The following GRIK2 variants were observed in gnomAD, a reference collection of about 807,000 sequenced individuals.
The protein encoded by GRIK2 is glutamate ionotropic receptor kainate type subunit 2.
A neutral mutation model predicts 100.3 loss-of-function variants in GRIK2; 32 were observed. That is an observed-to-expected ratio of 0.32 (90% CI 0.24 to 0.43). GRIK2 has a LOEUF of 0.43. Among genes scored for constraint, GRIK2 ranks in the 20% least tolerant of loss-of-function variants. The pLI, the probability that GRIK2 is intolerant of heterozygous loss-of-function variation, is 1.00. For synonymous variants in GRIK2, 417 were observed against 389.4 expected, an observed-to-expected ratio of 1.07 and a Z score of -0.83; for missense variants, 843 against 1,114.9, an observed-to-expected ratio of 0.76 and a Z score of 3.47.
At chr6:101,560,239 C>T (rs965144519) in intron 2 of GRIK2, among the ~76,000 whole-genome samples, 1 of 151,984 alleles carries the variant, frequency 6.6e-6, no homozygotes, top group Non-Finnish European at 1.5e-5. Context: ...GTTTATTTTC[C>T]TTTACTAGTC....
chr6:101,782,255 A>G (rs1562380848), intron 7 of GRIK2, among the ~76,000 whole-genome samples: 1 of 152,108 alleles, frequency 6.6e-6, no homozygotes, highest in Non-Finnish European at 1.5e-5. Flanking sequence ...ATTGTTGTTA[A>G]CTCTAGTTAC....
chr6:101,989,436 C>T (rs925005308), intron 14 of GRIK2, among the ~76,000 whole-genome samples: 4 of 151,486 alleles, frequency 2.6e-5, no homozygotes, highest in East Asian at 2.0e-4. Flanking sequence ...TATGCTTGCC[C>T]GGATAAAGCA....
intron 2 of GRIK2, among the ~76,000 whole-genome samples, chr6:101,424,984 G>C (rs948872338): frequency 3.3e-5 from 5 of 151,834 alleles, no homozygotes; most frequent in Non-Finnish European, 7.4e-5. Context: ...CATTTGGGTT[G>C]GTTCCAAGTC....
intron 2 of GRIK2, among the ~76,000 whole-genome samples, chr6:101,553,176 TTATATACTGAATATTATAGGTTTAA>T (rs1169137145): frequency 6.6e-6 from 1 of 152,188 alleles, no homozygotes; most frequent in Non-Finnish European, 1.5e-5. Context: ...TACAATAGAT[TTATATACTGAATATTATAGGTTTAA>T]TATGGCACGG....
At chr6:101,856,497 GAAT>G (rs577508721) in intron 10 of GRIK2, among the ~76,000 whole-genome samples, 49 of 152,214 alleles carry the variant, frequency 3.2e-4, no homozygotes, top group African/African-American at 1.1e-3. Context: ...AGATGTTATT[GAAT>G]TTGATGTGTG....
chr6:101,884,745 TTC>T (rs1310231492), intron 11 of GRIK2, among the ~76,000 whole-genome samples: 1 of 151,904 alleles, frequency 6.6e-6, no homozygotes, highest in Non-Finnish European at 1.5e-5. Context: ...CAATTAAAAA[TTC>T]TCTGAGTGGT....
intron 2 of GRIK2, among the ~76,000 whole-genome samples, chr6:101,527,558 G>A (rs568391643): frequency 3.9e-4 from 60 of 152,264 alleles, no homozygotes; most frequent in African/African-American, 1.3e-3. Flanking sequence ...TTTTATTTCC[G>A]AACATGTCAA....
At chr6:101,992,665 TCA>T (rs1489828954) in intron 14 of GRIK2, among the ~76,000 whole-genome samples, 5 of 151,580 alleles carry the variant, frequency 3.3e-5, no homozygotes, top group Admixed American at 2.0e-4. Flanking sequence ...AAAATCAGAT[TCA>T]GTTTGCAGAA....
intron 7 of GRIK2, among the ~76,000 whole-genome samples, chr6:101,734,470 A>T (rs547560825): frequency 6.6e-6 from 1 of 152,330 alleles, no homozygotes; most frequent in East Asian, 1.9e-4. Flanking sequence ...AGGCCCACCT[A>T]TAATACATTA....
At chr6:101,953,313 T>C (rs1223871847) in intron 14 of GRIK2, among the ~76,000 whole-genome samples, 2 of 152,318 alleles carry the variant, frequency 1.3e-5, no homozygotes, top group African/African-American at 4.8e-5. Context: ...GTGGTAAATA[T>C]ATGTTTAACC....
intron 2 of GRIK2, among the ~76,000 whole-genome samples, chr6:101,445,660 C>T (rs1251130807): frequency 6.6e-6 from 1 of 152,076 alleles, no homozygotes; most frequent in Non-Finnish European, 1.5e-5. Context: ...CAAACAAATT[C>T]TGTTAACGTG....
chr6:101,676,004 T>C (rs1770807913), intron 4 of GRIK2, among the ~76,000 whole-genome samples: 1 of 152,168 alleles, frequency 6.6e-6, no homozygotes, highest in South Asian at 2.1e-4. Context: ...AGGGAATAGT[T>C]ACATAAATTA....
intron 12 of GRIK2, among the ~76,000 whole-genome samples, chr6:101,902,793 A>G (rs779492818): frequency 6.6e-6 from 1 of 151,900 alleles, no homozygotes; most frequent in Admixed American, 6.6e-5. Flanking sequence ...TAGTTGCAAT[A>G]TTATAAACAT....
At position 101,626,477 on chromosome 6, in the gene GRIK2, T is replaced by C; in HGVS notation, c.381T>C (p.Val127=). 1 of 1,613,906 alleles carries C rather than the reference T, an allele frequency of 6.2e-7. No homozygotes were observed. Among genetic ancestry groups the C allele is most frequent in the Non-Finnish European group, 8.5e-7 (1 of 1,179,908 alleles). The change falls in exon 4 of 17, where the codon GTT becomes GTC. Residue 127 remains valine (V), a synonymous_variant. Transcript: ENST00000369134. ...AGTCCATCTGCAATGCTCTGGGAGT[T>C]CCCCACATACAGACCCGCTGGAAGC... ...AVQSICNALG[V]PHIQTRWKHQ...
chr6:101,658,813 A>G (rs1562290996), intron 4 of GRIK2, among the ~76,000 whole-genome samples: 1 of 152,166 alleles, frequency 6.6e-6, no homozygotes, highest in Non-Finnish European at 1.5e-5. Flanking sequence ...TGTTGGCTGC[A>G]AAAATATCTT....
intron 15 of GRIK2, among the ~76,000 whole-genome samples, chr6:102,051,303 TCC>T (rs1771182087): frequency 7.0e-6 from 1 of 143,590 alleles, no homozygotes; most frequent in Non-Finnish European, 1.5e-5. Context: ...CTTCCTTCCT[TCC>T]TTCCTTCCAC....
intron 7 of GRIK2, among the ~76,000 whole-genome samples, chr6:101,720,945 A>G (rs375919317): frequency 1.8e-4 from 28 of 152,112 alleles, no homozygotes; most frequent in African/African-American, 6.7e-4. Flanking sequence ...AGGTTCCTTC[A>G]TCTTAAAAAT....
At chr6:101,674,476 T>A (rs1461016916) in intron 4 of GRIK2, among the ~76,000 whole-genome samples, 1 of 152,192 alleles carries the variant, frequency 6.6e-6, no homozygotes, top group East Asian at 1.9e-4. Context: ...CAAAGAAATA[T>A]ATAGTTTTCT....
At chr6:101,555,418 T>C (rs925648267) in intron 2 of GRIK2, among the ~76,000 whole-genome samples, 7 of 152,160 alleles carry the variant, frequency 4.6e-5, no homozygotes, top group South Asian at 2.1e-4. Flanking sequence ...TCTGGCTCAG[T>C]AGTTCTTGGC....
Sources: gnomAD v4.1 joint callset for allele counts (sites outside exome capture counted in the v4.1 genomes callset) on GRCh38, gnomAD v4.1.1 for gene constraint, MANE v1.5 for transcripts, NCBI Gene and HGNC (gene_info 2026-07-23, HGNC 2026-07-21) for gene names.